ZNF207: variants seen among roughly 807,000 people sequenced by gnomAD.
ZNF207 encodes zinc finger protein 207.
In ZNF207, 24 loss-of-function variants were observed where a neutral mutation model predicts 60.2. The ratio of observed to expected loss-of-function variants is 0.40; its 90% confidence interval spans 0.29 to 0.56. The LOEUF (loss-of-function observed/expected upper bound fraction) is 0.56. Among genes scored for constraint, ZNF207 ranks in the 20% least tolerant of loss-of-function variants. The pLI is 0.49. For synonymous variants in ZNF207, 236 were observed against 194.7 expected, an observed-to-expected ratio of 1.21 and a Z score of -1.77; for missense variants, 452 against 636.6, an observed-to-expected ratio of 0.71 and a Z score of 3.12.
At position 32,378,804 on chromosome 17, in the gene ZNF207, T is replaced by C. The variant is rs1905773839; in HGVS notation, c.*9045T>C. ...TAGGTTGATAACAAATGTAAAGCAC[T>C]GAGGAGGGAGGAATAAAGCATACAA... On this transcript the variant is annotated 3_prime_UTR_variant, in exon 12 of 12. Transcript: ENST00000394670. 1 of 152,084 alleles carries C rather than the reference T, an allele frequency of 6.6e-6. No individual in the cohort carries two copies. Among genetic ancestry groups the C allele is most frequent in the African/African-American group, 2.4e-5 (1 of 41,432 alleles). The allele number at this position is 152,084 out of a possible 1,614,324, so 9.4% of individuals were successfully genotyped here.
Position 32,358,658 on chromosome 17 carries a change from GTT to G in ZNF207, c.307+20_307+21del. On this transcript the variant is annotated intron_variant, in intron 3 of 11. Coordinates refer to ENST00000394670, the MANE Select transcript of ZNF207 (RefSeq NM_001098507.2). ...AAACACAAGGTAAATATTGGGATAAGTTTTATTTTATTTATTTATTTTTTTTA... is the reference window on the plus strand; with the variant it reads ...AAACACAAGGTAAATATTGGGATAAGTTATTTTATTTATTTATTTTTTTTA... 1 of 1,415,022 alleles carries G rather than the reference GTT, an allele frequency of 7.1e-7. No individual in the cohort carries two copies. Among genetic ancestry groups the G allele is most frequent in the Non-Finnish European group, 9.2e-7 (1 of 1,084,692 alleles). 87.7% of individuals were successfully genotyped at this position (1,415,022 alleles called of 1,614,324 possible). A position where few individuals can be genotyped will look rare whatever the true frequency, so the allele number is the denominator to read the frequency against.
rs1024220627 is a variant in ZNF207, at chr17:32,372,650, T to C, written c.*2891T>C. ...TCAGAGGTGGTGTACCCATTTAATA[T>C]ATTTGAAGTGTAATTTTTGCATGCA... On this transcript the variant is annotated 3_prime_UTR_variant, in exon 12 of 12. Coordinates refer to ENST00000394670, the MANE Select transcript of ZNF207 (RefSeq NM_001098507.2). 1.3e-5 allele frequency: 2 copies of C among 152,214 alleles called. No individual in the cohort carries two copies. Among genetic ancestry groups the C allele is most frequent in the South Asian group, 2.1e-4 (1 of 4,834 alleles). 9.4% of individuals were successfully genotyped at this position (152,214 alleles called of 1,614,324 possible). A position where few individuals can be genotyped will look rare whatever the true frequency, so the allele number is the denominator to read the frequency against.
At chr17:32,359,685 T>C (rs1455891208) in intron 3 of ZNF207, among the ~76,000 whole-genome samples, 1 of 152,180 alleles carries the variant, frequency 6.6e-6, no homozygotes, top group African/African-American at 2.4e-5. Context: ...GGAAAATTGC[T>C]TGAGCCCAGA....
intron 1 of ZNF207, chr17:32,351,421 C>T (rs1035816763): frequency 1.5e-6 from 2 of 1,298,912 alleles, no homozygotes; most frequent in African/African-American, 1.5e-5. Context: ...ATTGTCTTGA[C>T]AGAACCTTAG....
rs975053897 is a variant in ZNF207, at chr17:32,369,962, A to G, written c.*203A>G. 18 of 488,402 alleles carry G rather than the reference A, an allele frequency of 3.7e-5. No individual in the cohort carries two copies. The highest frequency in any genetic ancestry group is 1.2e-4 in the African/African-American group (6 of 50,064). 30.3% of individuals were successfully genotyped at this position (488,402 alleles called of 1,614,324 possible). A position where few individuals can be genotyped will look rare whatever the true frequency, so the allele number is the denominator to read the frequency against. ...AGCAGGAACTTTTCCTGAAGTTGCA[A>G]TTTATACTGTATGGCTTCTTTTTCA... On this transcript the variant is annotated 3_prime_UTR_variant, in exon 12 of 12. Transcript: ENST00000394670.
intron 2 of ZNF207, among the ~76,000 whole-genome samples, chr17:32,352,739 A>C (rs1209668758): frequency 3.3e-5 from 5 of 152,206 alleles, no homozygotes; most frequent in African/African-American, 1.2e-4. Context: ...TCTGTGGCCC[A>C]GGCTGGATTG....
intron 1 of ZNF207, chr17:32,351,248 T>A (rs569689601): frequency 5.6e-6 from 1 of 179,066 alleles, no homozygotes; most frequent in East Asian, 1.7e-4. Flanking sequence ...TGAATTTAAA[T>A]ACATTGCTTG....
At chr17:32,362,739 A>G in intron 6 of ZNF207, 175 bp from the exon 7 acceptor site, 3 of 470,494 alleles carry the variant, frequency 6.4e-6, no homozygotes, top group Non-Finnish European at 1.1e-5. Flanking sequence ...TAGACAATTT[A>G]TTTTGATAGG....
chr17:32,366,220 T>A (rs1043401177), intron 8 of ZNF207, among the ~76,000 whole-genome samples: 1 of 152,226 alleles, frequency 6.6e-6, no homozygotes, highest in East Asian at 1.9e-4. Flanking sequence ...GGTGCTAAAT[T>A]AAAAGCATTT....
Position 32,374,239 on chromosome 17 carries a change from A to G in ZNF207, c.*4480A>G, listed in dbSNP as rs1347735940. 1.3e-4 allele frequency: 4 copies of G among 30,572 alleles called. No homozygotes were observed. The highest frequency in any genetic ancestry group is 1.8e-4 in the Non-Finnish European group (3 of 16,438). 1.9% of individuals were successfully genotyped at this position (30,572 alleles called of 1,614,324 possible). A position where few individuals can be genotyped will look rare whatever the true frequency, so the allele number is the denominator to read the frequency against. On this transcript the variant is annotated 3_prime_UTR_variant, in exon 12 of 12. Coordinates refer to ENST00000394670, the MANE Select transcript of ZNF207 (RefSeq NM_001098507.2). Reference sequence around the variant, plus strand: ...TTTTTTTTTTTTTTTTTTTTTTTTGAGACTGTCTCGCTGTGTCACCCAGGC... The same window carrying G: ...TTTTTTTTTTTTTTTTTTTTTTTTGGGACTGTCTCGCTGTGTCACCCAGGC...
Position 32,367,872 on chromosome 17 carries a change from A to G in ZNF207, c.1022A>G (p.Tyr341Cys). 1 of 1,614,184 alleles carries G rather than the reference A, an allele frequency of 6.2e-7. No homozygotes were observed. The highest frequency in any genetic ancestry group is 8.5e-7 in the Non-Finnish European group (1 of 1,180,028). Residue 341 changes from tyrosine to cysteine, a missense_variant, in exon 10 of 12, where the codon TAT becomes TGT. Transcript: ENST00000394670. ...TEPPKPTFPA[Y>C]TQSTASTTST... The stretch of plus-strand genomic sequence containing the variant: ...CCCCCAAAGCCTACATTCCCTGCTT[A>G]TACACAGTCTACAGCTTCAACAACT...
chr17:32,357,339 A>ATTTTTTTTTT (rs1405292203), intron 2 of ZNF207, among the ~76,000 whole-genome samples: 1 of 81,932 alleles, frequency 1.2e-5, no homozygotes, highest in African/African-American at 6.2e-5. Flanking sequence ...TATTATTATT[A>ATTTTTTTTTT]TTATTATTAT....
At chr17:32,366,549 G>C in intron 8 of ZNF207, 116 bp from the exon 9 acceptor site, 1 of 648,746 alleles carries the variant, frequency 1.5e-6, no homozygotes, top group South Asian at 3.5e-5. Flanking sequence ...AGTGACATTT[G>C]ATTGCATTAA....
In ZNF207 at chr17:32,365,336, C is replaced by T. The variant is rs770338521; in HGVS notation, c.677C>T (p.Pro226Leu). 6.8e-6 allele frequency: 11 copies of T among 1,613,438 alleles called. No individual in the cohort carries two copies. Among genetic ancestry groups the T allele is most frequent in the East Asian group, 2.2e-5 (1 of 44,884 alleles). Residue 226 changes from proline to leucine, a missense_variant, in exon 8 of 12, where the codon CCC becomes CTC. Pro to Leu is a moderately conservative substitution (Grantham distance 98). This residue lies in a region of ZNF207 where 390 missense variants were observed against 461.4 expected (regional missense o/e 0.85). Coordinates refer to ENST00000394670, the MANE Select transcript of ZNF207 (RefSeq NM_001098507.2). The part of the protein sequence containing the change: ...PLMPGMPPGM[P>L]PPVPRPGIPP... The stretch of plus-strand genomic sequence containing the variant: ...AAACATTTCTTCTCTGCAGGTATGC[C>T]CCCACCTGTTCCACGTCCTGGAATT...
intron 9 of ZNF207, among the ~76,000 whole-genome samples, chr17:32,367,239 T>TTTTATATATATA (rs1555608291): frequency 3.1e-5 from 1 of 32,180 alleles, no homozygotes; most frequent in South Asian, 1.4e-3. Flanking sequence ...TTGGAGGGGA[T>TTTTATATATATA]TATATATATA....
At chr17:32,351,447 A>G (rs967699083) in intron 1 of ZNF207, 1 of 1,362,010 alleles carries the variant, frequency 7.3e-7, no homozygotes, top group Non-Finnish European at 9.5e-7. Flanking sequence ...TCTTAACTGA[A>G]CTCTTTCCTG....
At chr17:32,357,283 G>A (rs1342471661) in intron 2 of ZNF207, among the ~76,000 whole-genome samples, 1 of 148,276 alleles carries the variant, frequency 6.7e-6, no homozygotes, top group African/African-American at 2.5e-5. Context: ...CTTGTCTCAA[G>A]ATCTATACTT....
In ZNF207 at chr17:32,362,994, A is replaced by G; in HGVS notation, c.670+10A>G. On this transcript the variant is annotated intron_variant, in intron 7 of 11. Coordinates refer to ENST00000394670, the MANE Select transcript of ZNF207 (RefSeq NM_001098507.2). ...CCTGGAATGCCACCAGGTATATGTT[A>G]GATAATTTCATTTTAATATGATGTA... 1 of 1,610,996 alleles carries G rather than the reference A, an allele frequency of 6.2e-7. No homozygotes were observed. The highest frequency in any genetic ancestry group is 8.5e-7 in the Non-Finnish European group (1 of 1,178,600).
At chr17:32,355,514 C>A (rs753729573) in intron 2 of ZNF207, among the ~76,000 whole-genome samples, 1 of 152,092 alleles carries the variant, frequency 6.6e-6, no homozygotes, top group Non-Finnish European at 1.5e-5. Flanking sequence ...TATTAAATAT[C>A]CAGATGAAAA....
Sources: allele counts gnomAD v4.1 joint callset (sites outside exome capture counted in the v4.1 genomes callset), GRCh38; gene constraint gnomAD v4.1.1; regional missense constraint gnomAD v4.1.1; transcripts MANE v1.5; gene names NCBI Gene and HGNC (gene_info 2026-07-23, HGNC 2026-07-21).